The following DTWD2 variants were observed in gnomAD, a reference collection of about 807,000 sequenced individuals.
DTWD2 encodes the protein DTW motif tRNA-uridine aminocarboxypropyltransferase 2, also known as tRNA-uridine aminocarboxypropyltransferase 2.
A neutral mutation model predicts 31.8 loss-of-function variants in DTWD2; 39 were observed. That is an observed-to-expected ratio of 1.22 (90% CI 0.95 to 1.60). The LOEUF is 1.60. Among genes scored for constraint, DTWD2 ranks in the 40% most tolerant of loss-of-function variants. The probability of loss-of-function intolerance (pLI) is 0.00; values close to 1 mark genes in which losing one functional copy is unlikely to be tolerated. For missense variants in DTWD2, 515 were observed against 381.5 expected (o/e 1.35, Z -2.92); for synonymous variants, 180 against 142.8 (o/e 1.26, Z -1.86).
intron 1 of DTWD2, among the ~76,000 whole-genome samples, chr5:118,970,412 C>A (rs530184512): frequency 9.2e-5 from 14 of 151,776 alleles, no homozygotes; most frequent in Non-Finnish European, 1.6e-4. Flanking sequence ...GCTAATAAAG[C>A]GAGACTCTGT....
chr5:118,897,110 C>G (rs1753100747), intron 4 of DTWD2, among the ~76,000 whole-genome samples: 1 of 152,148 alleles, frequency 6.6e-6, no homozygotes, highest in South Asian at 2.1e-4. Context: ...CTGGGACTCA[C>G]AGAACTCAGT....
intron 4 of DTWD2, among the ~76,000 whole-genome samples, chr5:118,857,236 T>A (rs1752158484): frequency 6.6e-6 from 1 of 152,146 alleles, no homozygotes; most frequent in Non-Finnish European, 1.5e-5. Flanking sequence ...TGTGGGGGTG[T>A]GTATATGTGT....
chr5:118,862,801 A>G (rs1374023650), intron 4 of DTWD2, among the ~76,000 whole-genome samples: 3 of 152,216 alleles, frequency 2.0e-5, no homozygotes, highest in Non-Finnish European at 2.9e-5. Context: ...AACTATGACT[A>G]TCCCATTATT....
At chr5:118,938,524 A>G (rs1489249809) in intron 3 of DTWD2, among the ~76,000 whole-genome samples, 1 of 152,138 alleles carries the variant, frequency 6.6e-6, no homozygotes, top group Non-Finnish European at 1.5e-5. Context: ...TAATAGTTCT[A>G]ATTTGCTTTA....
rs922273421 is a variant in DTWD2, at chr5:118,836,105, T to C, written c.*4812A>G. 1.3e-5 allele frequency among the ~76,000 whole-genome samples: 2 copies of C among 152,220 alleles called. No homozygotes were observed. The highest frequency in any genetic ancestry group is 4.8e-5 in the African/African-American group (2 of 41,464). ...TAAAAAATGTTTTAATTCTTTAATATACTTCTAAGTAACAATAACAGTAAG... is the reference window on the plus strand; with the variant it reads ...TAAAAAATGTTTTAATTCTTTAATACACTTCTAAGTAACAATAACAGTAAG... On this transcript the variant is annotated 3_prime_UTR_variant, in exon 6 of 6. Coordinates refer to ENST00000510708, the MANE Select transcript of DTWD2 (RefSeq NM_173666.4).
chr5:118,953,798 A>G (rs763056827), intron 1 of DTWD2, among the ~76,000 whole-genome samples: 87 of 152,198 alleles, frequency 5.7e-4, no homozygotes, highest in Admixed American at 9.8e-4. Flanking sequence ...TTGCTCTACA[A>G]TGCCACAAAT....
At position 118,842,348 on chromosome 5, in the gene DTWD2, T is replaced by C. The variant is rs541661761; in HGVS notation, c.727-1261A>G. ...CCTTGGATGGGGCTTCTAGAGATAC[T>C]CTTTAAAGGGGACAAACTTAGCAGG... On this transcript the variant is annotated intron_variant, in intron 5 of 5. Coordinates refer to ENST00000510708, the MANE Select transcript of DTWD2 (RefSeq NM_173666.4). Among the ~76,000 whole-genome samples, 17 of 152,262 alleles carry C rather than the reference T, an allele frequency of 1.1e-4. No homozygotes were observed. In the South Asian group the frequency reaches 1.9e-3, roughly 17 times the overall value.
chr5:118,908,812 C>G (rs1753394505), intron 4 of DTWD2, among the ~76,000 whole-genome samples: 1 of 152,108 alleles, frequency 6.6e-6, no homozygotes, highest in East Asian at 1.9e-4. Flanking sequence ...AGCTAAAACA[C>G]AATTGATCAG....
intron 4 of DTWD2, among the ~76,000 whole-genome samples, chr5:118,889,073 T>G (rs1196185804): frequency 6.6e-6 from 1 of 152,238 alleles, no homozygotes; most frequent in Non-Finnish European, 1.5e-5. Flanking sequence ...ATGACCTTTG[T>G]GTCTTTCGAA....
intron 1 of DTWD2, among the ~76,000 whole-genome samples, chr5:118,968,000 C>A (rs1377096470): frequency 6.6e-6 from 1 of 151,942 alleles, no homozygotes; most frequent in African/African-American, 2.4e-5. Context: ...TTAATTTCGC[C>A]AAGAATAATG....
chr5:118,894,684 G>C (rs748622402), intron 4 of DTWD2, among the ~76,000 whole-genome samples: 12 of 151,980 alleles, frequency 7.9e-5, no homozygotes, highest in Non-Finnish European at 1.5e-4. Context: ...TGATCAAGTG[G>C]GATTCATCCA....
At position 118,875,390 on chromosome 5, in the gene DTWD2, T is replaced by C. The variant is rs149147079; in HGVS notation, c.598-27172A>G. On this transcript the variant is annotated intron_variant, in intron 4 of 5. Coordinates refer to ENST00000510708, the MANE Select transcript of DTWD2 (RefSeq NM_173666.4). ...AATGTAAATGGGCTAAATGCCCCAA[T>C]AAAAAGACACAGCATGGCAACCTGT... Among the ~76,000 whole-genome samples, 362 of 152,000 alleles carry C rather than the reference T, an allele frequency of 2.4e-3. 1 individual carries two copies. The highest frequency in any genetic ancestry group is 3.9e-3 in the South Asian group (19 of 4,820).
intron 4 of DTWD2, among the ~76,000 whole-genome samples, chr5:118,902,391 CTATT>C (rs1265287428): frequency 4.6e-5 from 7 of 152,056 alleles, no homozygotes; most frequent in Non-Finnish European, 8.8e-5. Context: ...CAACCATAAT[CTATT>C]TATACTTTAA....
intron 1 of DTWD2, among the ~76,000 whole-genome samples, chr5:118,952,942 C>T (rs1035124684): frequency 2.6e-5 from 4 of 152,126 alleles, no homozygotes; most frequent in Non-Finnish European, 4.4e-5. Flanking sequence ...AAACACTTGA[C>T]CACATCATAT....
At chr5:118,853,107 G>C (rs565060969) in intron 4 of DTWD2, among the ~76,000 whole-genome samples, 1 of 152,188 alleles carries the variant, frequency 6.6e-6, no homozygotes, top group South Asian at 2.1e-4. Flanking sequence ...CTACCTATCA[G>C]GTATTATGCT....
intron 4 of DTWD2, among the ~76,000 whole-genome samples, chr5:118,867,288 A>G (rs1045455315): frequency 1.3e-5 from 2 of 152,184 alleles, no homozygotes; most frequent in Non-Finnish European, 1.5e-5. Flanking sequence ...ATAACTGATC[A>G]AAAGGAAAAA....
chr5:118,888,259 C>T (rs1752909218), intron 4 of DTWD2, among the ~76,000 whole-genome samples: 1 of 152,154 alleles, frequency 6.6e-6, no homozygotes, highest in African/African-American at 2.4e-5. Context: ...CTTCTCTTTC[C>T]TTCTTCCTTC....
At chr5:118,940,167 T>A (rs1407286658) in intron 2 of DTWD2, among the ~76,000 whole-genome samples, 1 of 152,188 alleles carries the variant, frequency 6.6e-6, no homozygotes, top group Non-Finnish European at 1.5e-5. Context: ...CTGTCGTCAG[T>A]GGTTTCTTCA....
intron 1 of DTWD2, among the ~76,000 whole-genome samples, chr5:118,978,322 T>C (rs1329908542): frequency 1.3e-5 from 2 of 152,050 alleles, no homozygotes; most frequent in Non-Finnish European, 2.9e-5. Flanking sequence ...CGGGCCAAGA[T>C]CTCATGACAA....
Sources: gnomAD v4.1 joint callset for allele counts (sites outside exome capture counted in the v4.1 genomes callset) on GRCh38, gnomAD v4.1.1 for gene constraint, MANE v1.5 for transcripts, NCBI Gene and HGNC (gene_info 2026-07-23, HGNC 2026-07-21) for gene names.